Variants in B4GALNT2 observed in about 807,000 individuals in gnomAD.
B4GALNT2 encodes N-acetylneuraminylgalactosylglucosyl-glucoside beta-1,4-N- acetylgalactosaminyltransferase 2.
A neutral mutation model predicts 51.1 loss-of-function variants in B4GALNT2; 42 were observed. That is an observed-to-expected ratio of 0.82 (90% CI 0.64 to 1.06). The LOEUF is 1.06. Ranked by LOEUF, B4GALNT2 falls within the 50% of genes least tolerant of loss-of-function variation. The pLI is 0.00. For synonymous variants in B4GALNT2, 253 were observed against 251.7 expected (o/e 1.01, Z -0.05); for missense variants, 602 against 633.6 (o/e 0.95, Z 0.54).
At chr17:49,163,756 C>CAAAAAAAAA (rs10589274) in intron 7 of B4GALNT2, among the ~76,000 whole-genome samples, 1 of 91,162 alleles carries the variant, frequency 1.1e-5, no homozygotes, top group Admixed American at 1.3e-4. Context: ...AACTCCGTAT[C>CAAAAAAAAA]AAAAAAAAAA....
chr17:49,129,225 GGGA>G (rs2042525603), upstream of B4GALNT2, among the ~76,000 whole-genome samples: 1 of 151,936 alleles, frequency 6.6e-6, no homozygotes, highest in Non-Finnish European at 1.5e-5. Context: ...AGGAGGATGA[GGGA>G]GGAGGAGGGG....
intron 3 of B4GALNT2, among the ~76,000 whole-genome samples, chr17:49,143,804 G>A (rs1219317294): frequency 2.0e-5 from 3 of 151,824 alleles, no homozygotes; most frequent in East Asian, 1.9e-4. Context: ...ATATTGACAG[G>A]GCAAGAGCAC....
intron 3 of B4GALNT2, chr17:49,148,785 C>T (rs765735215): frequency 5.1e-5 from 22 of 431,608 alleles, no homozygotes; most frequent in Admixed American, 6.9e-5. Flanking sequence ...GGGCTGGGTG[C>T]GGTAGCTCAC....
intron 1 of B4GALNT2, among the ~76,000 whole-genome samples, chr17:49,134,013 C>T (rs2042567226): frequency 6.6e-6 from 1 of 152,202 alleles, no homozygotes; most frequent in African/African-American, 2.4e-5. Flanking sequence ...GGCGGCTTTG[C>T]ATCCATCCAC....
intron 5 of B4GALNT2, 119 bp downstream of exon 5, chr17:49,156,722 A>G: frequency 8.6e-7 from 1 of 1,161,864 alleles, no homozygotes; most frequent in Non-Finnish European, 1.2e-6. Flanking sequence ...CATGAGCCCA[A>G]GGAGGGAGGG....
At position 49,155,263 on chromosome 17, in the gene B4GALNT2, A is replaced by C. The variant is rs924174808; in HGVS notation, c.461-1303A>C. ...CAGTGAGCTGAGATCACACCACTGC[A>C]CTCCAGCCTGGATGACAGAGTGAGA... On this transcript the variant is annotated intron_variant, in intron 4 of 10. Coordinates refer to ENST00000393354, the MANE Select transcript of B4GALNT2 (RefSeq NM_001159387.2). Among the ~76,000 whole-genome samples the C allele has an allele frequency of 3.6e-5, 5 of 137,542 alleles. No individual in the cohort carries two copies. The East Asian group carries it at 6.5e-4, about 18-fold the overall frequency. The allele number at this position is 137,542 out of a possible 152,430, so 90.2% of individuals were successfully genotyped here. A position where few individuals can be genotyped will look rare whatever the true frequency, so the allele number is the denominator to read the frequency against.
At chr17:49,127,294 G>T in the B4GALNT2 span, among the ~76,000 whole-genome samples, 1 of 152,124 alleles carries the variant, frequency 6.6e-6, no homozygotes, top group Admixed American at 6.5e-5. Flanking sequence ...CACAAGCAAA[G>T]ATTATTCTGT....
At chr17:49,132,844 A>G in intron 1 of B4GALNT2, 38 bp downstream of exon 1, 1 of 1,371,100 alleles carries the variant, frequency 7.3e-7, no homozygotes. Flanking sequence ...GAGAGGTGAA[A>G]CTTCGGGAGC....
At chr17:49,150,728 G>T (rs1277059592) in intron 3 of B4GALNT2, among the ~76,000 whole-genome samples, 2 of 150,986 alleles carry the variant, frequency 1.3e-5, no homozygotes, top group Non-Finnish European at 2.9e-5. Flanking sequence ...ACGGCAGCAT[G>T]CTCGTTAAGA....
chr17:49,151,756 A>G (rs1487466305), intron 3 of B4GALNT2, among the ~76,000 whole-genome samples: 1 of 152,086 alleles, frequency 6.6e-6, no homozygotes, highest in African/African-American at 2.4e-5. Context: ...AAAAAAAAAA[A>G]AAAATCGTTA....
intron 3 of B4GALNT2, among the ~76,000 whole-genome samples, chr17:49,143,223 T>C (rs2042661347): frequency 6.6e-6 from 1 of 151,792 alleles, no homozygotes; most frequent in South Asian, 2.1e-4. Context: ...CCCTCCAACC[T>C]GAGCAACAGA....
Position 49,171,844 on chromosome 17 carries a change from A to AACAATAAACAATAAACAGG in B4GALNT2, c.*2116_*2117insACAATAAACAATAAACAGG, listed in dbSNP as rs1330822581. On this transcript the variant is annotated 3_prime_UTR_variant, in exon 11 of 11. Transcript: ENST00000393354. ...ATTATTTCTGGCCAGGTCTAATTCT[A>AACAATAAACAATAAACAGG]TTTACAAATAGGTTTTGAGCTGCCT... The AACAATAAACAATAAACAGG allele has an allele frequency of 2.9e-6, 1 of 350,664 alleles. No individual in the cohort carries two copies. Among genetic ancestry groups the AACAATAAACAATAAACAGG allele is most frequent in the African/African-American group, 2.3e-5 (1 of 44,216 alleles). 21.7% of individuals were successfully genotyped at this position (350,664 alleles called of 1,614,324 possible).
intron 6 of B4GALNT2, 105 bp downstream of exon 6, chr17:49,159,322 T>TTGTG (rs1442994570): frequency 9.4e-5 from 114 of 1,215,374 alleles, no homozygotes; most frequent in Non-Finnish European, 1.2e-4. Flanking sequence ...TTTTTGTGTT[T>TTGTG]TGTGTGTGTT....
At chr17:49,146,230 A>G (rs910215437) in intron 3 of B4GALNT2, among the ~76,000 whole-genome samples, 4 of 152,188 alleles carry the variant, frequency 2.6e-5, no homozygotes, top group South Asian at 2.1e-4. Context: ...CCACCGTTCT[A>G]TCAATCCAGC....
intron 3 of B4GALNT2, among the ~76,000 whole-genome samples, chr17:49,145,103 C>T (rs188528713): frequency 1.3e-5 from 2 of 152,308 alleles, no homozygotes; most frequent in African/African-American, 4.8e-5. Context: ...GCAACACCCT[C>T]ACAGACACAC....
At chr17:49,120,594 C>T in the B4GALNT2 span, among the ~76,000 whole-genome samples, 1 of 151,880 alleles carries the variant, frequency 6.6e-6, no homozygotes, top group Non-Finnish European at 1.5e-5. Context: ...CAATCTCTGC[C>T]TCCTGAGTTC....
chr17:49,141,892 C>T (rs1382794900), intron 2 of B4GALNT2, 143 bp from the exon 3 acceptor site: 8 of 1,061,420 alleles, frequency 7.5e-6, no homozygotes, highest in Admixed American at 2.1e-5. Flanking sequence ...GCAGGGGACT[C>T]CAGGGTCTCA....
chr17:49,165,473 T>C, intron 8 of B4GALNT2, among the ~76,000 whole-genome samples: 2 of 85,290 alleles, frequency 2.3e-5, no homozygotes, highest in Non-Finnish European at 2.2e-5. Flanking sequence ...TTTCTCTCCC[T>C]CTCTTCTTCC....
intron 1 of B4GALNT2, chr17:49,133,076 TCG>T (rs1222431731): frequency 1.3e-6 from 2 of 1,506,810 alleles, no homozygotes; most frequent in South Asian, 2.6e-5. Flanking sequence ...AAGTGGCCTC[TCG>T]CGGCCGGGAA....
Sources: allele counts gnomAD v4.1 joint callset (sites outside exome capture counted in the v4.1 genomes callset), GRCh38; gene constraint gnomAD v4.1.1; transcripts MANE v1.5; gene names NCBI Gene and HGNC (gene_info 2026-07-23, HGNC 2026-07-21).